The following GTPBP3 variants were observed in gnomAD, a reference collection of about 807,000 sequenced individuals.
GTPBP3 encodes 5-taurinomethyluridine-[tRNA] synthase subunit GTPB3, mitochondrial.
A neutral mutation model predicts 42.0 loss-of-function variants in GTPBP3; 35 were observed. The ratio of observed to expected loss-of-function variants is 0.83; its 90% CI spans 0.64 to 1.10. GTPBP3 has a LOEUF of 1.10. Ranked by LOEUF, GTPBP3 falls within the 50% of genes least tolerant of loss-of-function variation. The probability of loss-of-function intolerance (pLI) is 0.00; values close to 1 mark genes in which losing one functional copy is unlikely to be tolerated. For synonymous variants in GTPBP3, 332 were observed against 314.9 expected (o/e 1.05, Z -0.58); for missense variants, 691 against 685.2 (o/e 1.01, Z -0.09).
chr19:17,337,593 G>T lies in GTPBP3; in HGVS notation c.-19G>T. 1 of 1,315,356 alleles carries T rather than the reference G, an allele frequency of 7.6e-7. No homozygotes were observed. The highest frequency in any genetic ancestry group is 9.7e-7 in the Non-Finnish European group (1 of 1,026,306). 81.5% of individuals were successfully genotyped at this position (1,315,356 alleles called of 1,614,324 possible). ...GCCACACAGGCAGGTCGGGCAGGCG[G>T]GTCGCAGGTTGTAAATCCATGTGGC... On this transcript the variant is annotated 5_prime_UTR_variant, in exon 1 of 9. Transcript: ENST00000324894.
At chr19:17,340,580 G>A (rs149309432) in intron 7 of GTPBP3, among the ~76,000 whole-genome samples, 7 of 148,396 alleles carry the variant, frequency 4.7e-5, no homozygotes, top group African/African-American at 1.5e-4. Flanking sequence ...GCTCTGCCCC[G>A]CCACTCATGG....
upstream of GTPBP3, chr19:17,335,205 G>GGT: frequency 6.6e-7 from 1 of 1,514,558 alleles, no homozygotes; most frequent in Non-Finnish European, 8.8e-7. Flanking sequence ...CACCCCAGTA[G>GGT]GGCTGTGATA....
At position 17,339,404 on chromosome 19, in the gene GTPBP3, C is replaced by T. The variant is rs368194451; in HGVS notation, c.809-30C>T. On this transcript the variant is annotated intron_variant, in intron 6 of 8. Coordinates refer to ENST00000324894, the MANE Select transcript of GTPBP3 (RefSeq NM_032620.4). ...TGGGGGAGGAGCTCCCTTGTCTCCA[C>T]CCTCTCCTCTTCTTCTGACCCTCCC... 13 of 1,609,900 alleles carry T rather than the reference C, an allele frequency of 8.1e-6. No homozygotes were observed. In the African/African-American group the frequency reaches 1.1e-4, roughly 13 times the overall value.
rs767250513 is a variant in GTPBP3 at position 17,338,701 on chromosome 19, T to G, written c.551T>G (p.Leu184Arg). The change falls in exon 4 of 9, where the codon CTG (leucine) becomes CGG (arginine). Residue 184 changes from leucine (L) to arginine (R), a missense_variant. Coordinates refer to ENST00000324894, the MANE Select transcript of GTPBP3 (RefSeq NM_032620.4). ...RQALRQLDGE[L>R]GHLCRGWAET... Reference sequence around the variant, plus strand: ...GCCCTCAGGCAGCTGGACGGAGAGCTGGGCCACCTCTGCCGTGGCTGGGCC... The same window carrying G: ...GCCCTCAGGCAGCTGGACGGAGAGCGGGGCCACCTCTGCCGTGGCTGGGCC... The G allele has an allele frequency of 1.2e-6, 2 of 1,613,220 alleles. No homozygotes were observed. Among genetic ancestry groups the G allele is most frequent in the East Asian group, 4.5e-5 (2 of 44,864 alleles).
rs374307045 is a variant in GTPBP3 at position 17,338,183 on chromosome 19, G to T, written c.229G>T (p.Ala77Ser). The T allele has an allele frequency of 1.9e-6, 3 of 1,588,724 alleles. No homozygotes were observed. The highest frequency in any genetic ancestry group is 1.7e-6 in the Non-Finnish European group (2 of 1,174,444). ...APRDLPLARH[A>S]SLRLLSDPRS... ...CCGAGACCTGCCCCTTGCTCGCCAC[G>T]CCAGCCTGCGCCTGCTCAGCGATCC... is the stretch of plus-strand genomic sequence containing the variant. The change falls in exon 2 of 9, where the codon GCC becomes TCC. Residue 77 changes from alanine to serine, a missense_variant. Physicochemically the swap from Ala to Ser is moderately conservative, Grantham distance 99. Transcript: ENST00000324894.
At position 17,339,130 on chromosome 19, in the gene GTPBP3, C is replaced by G; in HGVS notation, c.672C>G (p.Ile224Met). 1 of 1,614,070 alleles carries G rather than the reference C, an allele frequency of 6.2e-7. No homozygotes were observed. The highest frequency in any genetic ancestry group is 8.5e-7 in the Non-Finnish European group (1 of 1,180,038). ...LEEGVLEQADIEVRALQVALG... is the reference protein window; with the variant it reads ...LEEGVLEQADMEVRALQVALG... ...GCCTTCTCTCACCCACAGCCGACAT[C>G]GAAGTACGGGCACTGCAGGTGGCCC... The change falls in exon 6 of 9, where the codon ATC (isoleucine) becomes ATG (methionine). Residue 224 changes from isoleucine to methionine, a missense_variant. Physicochemically the swap from Ile to Met is conservative, Grantham distance 10. Coordinates refer to ENST00000324894, the MANE Select transcript of GTPBP3 (RefSeq NM_032620.4).
rs201374694 is a variant in GTPBP3 at position 17,338,949 on chromosome 19, G to C, written c.592-5G>C. 1.3e-6 allele frequency: 2 copies of C among 1,590,260 alleles called. No individual in the cohort carries two copies. Among genetic ancestry groups the C allele is most frequent in the East Asian group, 2.2e-5 (1 of 44,652 alleles). ...ACACCACCTCTGCTCTCCCTGCCCC[G>C]CCAGGCTCTGGCCCACGTGGAGGCC... On this transcript the variant is annotated splice_region_variant and splice_polypyrimidine_tract_variant and intron_variant, in intron 4 of 8. Coordinates refer to ENST00000324894, the MANE Select transcript of GTPBP3 (RefSeq NM_032620.4).
rs879042978 is a variant in GTPBP3, at chr19:17,340,941, GC to G, written c.975-102del. On this transcript the variant is annotated intron_variant, in intron 7 of 8. Transcript: ENST00000324894. ...CTCCTCCCTCCCGACCTCACGCTTC[GC>G]AGCTCCCCCAGTGCTCTGCCTGGCC... 6.9e-5 allele frequency: 93 copies of G among 1,344,212 alleles called. 2 individuals carry two copies. In the South Asian group the frequency reaches 1.2e-3, roughly 17 times the overall value. The allele number at this position is 1,344,212 out of a possible 1,614,324, so 83.3% of individuals were successfully genotyped here.
chr19:17,337,400 C>G (rs1599556432), upstream of GTPBP3: 1 of 1,014,586 alleles, frequency 9.9e-7, no homozygotes, highest in East Asian at 3.3e-5. Flanking sequence ...GCTACACCTA[C>G]CTCCATACCG....
At chr19:17,335,235 G>T, upstream of GTPBP3, 3 of 1,448,278 alleles carry the variant, frequency 2.1e-6, no homozygotes, top group Non-Finnish European at 2.8e-6. Flanking sequence ...AGCAAGCCCT[G>T]CTTAGGAACT....
intron 7 of GTPBP3, among the ~76,000 whole-genome samples, chr19:17,340,422 G>T (rs1421324413): frequency 6.6e-6 from 1 of 151,782 alleles, no homozygotes; most frequent in Non-Finnish European, 1.5e-5. Context: ...CTCACGTTCT[G>T]CCCCGCCCTC....
At position 17,341,522 on chromosome 19, in the gene GTPBP3, GGC is replaced by G; in HGVS notation, c.1299_1300del (p.His434ProfsTer83). On this transcript the variant is annotated frameshift_variant, in exon 9 of 9. Transcript: ENST00000324894. LOFTEE classifies it high-confidence loss of function. ...GATCCCCCGCTGCTGACCCGAGCAA[GGC>G]ACCAGCACCACCTCCAGGGTTGCCT... is the stretch of plus-strand genomic sequence containing the variant. 6.2e-7 allele frequency: 1 copy of G among 1,613,632 alleles called. No homozygotes were observed.
At chr19:17,339,381 G>T in intron 6 of GTPBP3, 53 bp from the exon 7 acceptor site, 1 of 1,600,342 alleles carries the variant, frequency 6.2e-7, no homozygotes, top group Non-Finnish European at 8.5e-7. Flanking sequence ...GTAGAACCTG[G>T]GGGAGGAGCT....
Position 17,339,136 on chromosome 19 carries a change from A to T in GTPBP3, c.678A>T (p.Val226=). 1 of 1,613,970 alleles carries T rather than the reference A, an allele frequency of 6.2e-7. No individual in the cohort carries two copies. Among genetic ancestry groups the T allele is most frequent in the Non-Finnish European group, 8.5e-7 (1 of 1,180,020 alleles). The change falls in exon 6 of 9, where the codon GTA becomes GTT. Residue 226 remains valine, a synonymous_variant. Coordinates refer to ENST00000324894, the MANE Select transcript of GTPBP3 (RefSeq NM_032620.4). Reference sequence around the variant, plus strand: ...TCTCACCCACAGCCGACATCGAAGTACGGGCACTGCAGGTGGCCCTGGGTG... The same window carrying T: ...TCTCACCCACAGCCGACATCGAAGTTCGGGCACTGCAGGTGGCCCTGGGTG... ...EGVLEQADIE[V]RALQVALGAH...
rs953458324 is a variant in GTPBP3, at chr19:17,339,148, G to A, written c.690G>A (p.Gln230=). The A allele has an allele frequency of 9.9e-6, 16 of 1,613,898 alleles. No individual in the cohort carries two copies. The highest frequency in any genetic ancestry group is 1.4e-5 in the Non-Finnish European group (16 of 1,180,048). Residue 230 remains glutamine (Q), a synonymous_variant, in exon 6 of 9, where the codon CAG becomes CAA. Coordinates refer to ENST00000324894, the MANE Select transcript of GTPBP3 (RefSeq NM_032620.4). ...EQADIEVRAL[Q]VALGAHLRDA... ...CCGACATCGAAGTACGGGCACTGCA[G>A]GTGGCCCTGGGTGCACATCTACGAG...
rs778986039 is a variant in GTPBP3 at position 17,341,336 on chromosome 19, C to A, written c.1253+14C>A. On this transcript the variant is annotated intron_variant, in intron 8 of 8. Coordinates refer to ENST00000324894, the MANE Select transcript of GTPBP3 (RefSeq NM_032620.4). ...GCTAGCTGCAGTGTGAGCCCCCTCC[C>A]ACTCCCAGCCTCCCCTGACCCACAG... 1.9e-6 allele frequency: 3 copies of A among 1,576,398 alleles called. No homozygotes were observed. The Admixed American group carries it at 5.3e-5, about 28-fold the overall frequency.
chr19:17,338,266 C>G lies in GTPBP3; in HGVS notation c.301+11C>G, dbSNP rs1599557879. 2 of 1,595,948 alleles carry G rather than the reference C, an allele frequency of 1.3e-6. No homozygotes were observed. The highest frequency in any genetic ancestry group is 4.5e-5 in the East Asian group (2 of 44,412). ...TGCTCTGGTTCCCAGGTGAGGGTCC[C>G]CAGGTTCCGAGCCTCCTGTAGGTCC... On this transcript the variant is annotated intron_variant, in intron 2 of 8. Coordinates refer to ENST00000324894, the MANE Select transcript of GTPBP3 (RefSeq NM_032620.4).
chr19:17,335,091 CCTGGAGACG>C (rs1340831418), upstream of GTPBP3: 14 of 1,535,980 alleles, frequency 9.1e-6, no homozygotes, highest in Non-Finnish European at 1.2e-5. Context: ...AACTCCGGAC[CCTGGAGACG>C]CTGTTTGGAA....
upstream of GTPBP3, chr19:17,335,175 C>G: frequency 1.3e-6 from 2 of 1,533,866 alleles, no homozygotes; most frequent in Non-Finnish European, 1.7e-6. Flanking sequence ...GGGAAGATTC[C>G]TGGTGACAAT....
Sources: gnomAD v4.1 joint callset for allele counts (sites outside exome capture counted in the v4.1 genomes callset) on GRCh38, gnomAD v4.1.1 for gene constraint, MANE v1.5 for transcripts, NCBI Gene and HGNC (gene_info 2026-07-23, HGNC 2026-07-21) for gene names.